Variants in TSPEAR observed in about 807,000 individuals in gnomAD.
The protein encoded by TSPEAR is thrombospondin-type laminin G domain and EAR repeat-containing protein.
TSPEAR carries 69 observed loss-of-function variants against 71.6 expected under a neutral mutation model. The ratio of observed to expected loss-of-function variants is 0.96; its 90% confidence interval spans 0.79 to 1.18. TSPEAR has a LOEUF of 1.18. Ranked by LOEUF, TSPEAR falls within the 50% of genes most tolerant of loss-of-function variation. TSPEAR has a pLI of 0.00. For missense variants in TSPEAR, 971 were observed against 894.9 expected (o/e 1.09, Z -1.09); for synonymous variants, 402 against 387.2 (o/e 1.04, Z -0.45).
chr21:44,549,526 T>A (rs2053363716), intron 2 of TSPEAR, among the ~76,000 whole-genome samples: 1 of 152,196 alleles, frequency 6.6e-6, no homozygotes, highest in East Asian at 1.9e-4. Context: ...AAAAAAAGAA[T>A]AATGTGTGCC....
intron 2 of TSPEAR, chr21:44,539,378 C>A (rs199512891): frequency 8.1e-6 from 13 of 1,612,722 alleles, no homozygotes; most frequent in Admixed American, 6.7e-5. Flanking sequence ...GCTGGCCTGG[C>A]AGGAGGAGGC....
At chr21:44,509,162 AT>A in intron 10 of TSPEAR, 36 bp downstream of exon 10, 1 of 1,593,028 alleles carries the variant, frequency 6.3e-7, no homozygotes, top group Non-Finnish European at 8.6e-7. Flanking sequence ...CCTCCCAGAG[AT>A]CAGCCCACCT....
intron 1 of TSPEAR, among the ~76,000 whole-genome samples, chr21:44,663,000 T>C (rs1555944007): frequency 6.6e-6 from 1 of 152,056 alleles, no homozygotes; most frequent in African/African-American, 2.4e-5. Context: ...ATTAAGTGCT[T>C]ATATTCACAA....
At chr21:44,516,639 TGTC>T (rs2052581312) in intron 9 of TSPEAR, 1 of 152,158 alleles carries the variant, frequency 6.6e-6, no homozygotes, top group African/African-American at 2.4e-5. Flanking sequence ...CTTACGGTAA[TGTC>T]AGCCCCCAGA....
At chr21:44,674,039 G>A (rs73234817) in intron 1 of TSPEAR, among the ~76,000 whole-genome samples, 5,935 of 151,706 alleles carry the variant, frequency 0.039, 127 homozygotes, top group Middle Eastern at 0.082. Context: ...AGTCCCAGCT[G>A]CTAGGGAGGT....
intron 1 of TSPEAR, among the ~76,000 whole-genome samples, chr21:44,657,770 G>A (rs1250212076): frequency 6.6e-6 from 1 of 152,162 alleles, no homozygotes; most frequent in Non-Finnish European, 1.5e-5. Flanking sequence ...CTAACCTCAA[G>A]GCCGAAGCTA....
chr21:44,514,764 A>C (rs1555913147), intron 9 of TSPEAR, among the ~76,000 whole-genome samples: 40 of 152,110 alleles, frequency 2.6e-4, no homozygotes, highest in Non-Finnish European at 2.9e-5. Flanking sequence ...TCCAACCTGG[A>C]AGAAAGTTGT....
Position 44,646,740 on chromosome 21 carries a change from C to G in TSPEAR, c.82+64693G>C, listed in dbSNP as rs782569455. 8 of 1,613,994 alleles carry G rather than the reference C, an allele frequency of 5.0e-6. No homozygotes were observed. In the African/African-American group the frequency reaches 8.0e-5, roughly 16 times the overall value. On this transcript the variant is annotated intron_variant, in intron 1 of 11. Transcript: ENST00000323084. ...AGCCGGCTTGCTGCACCTCCTCCCCCTGCCAGCAGGCCTGCTGTGTGCCTG... is the reference window on the plus strand; with the variant it reads ...AGCCGGCTTGCTGCACCTCCTCCCCGTGCCAGCAGGCCTGCTGTGTGCCTG...
intron 1 of TSPEAR, among the ~76,000 whole-genome samples, chr21:44,633,524 T>C (rs1983372615): frequency 6.6e-6 from 1 of 152,266 alleles, no homozygotes; most frequent in Non-Finnish European, 1.5e-5. Flanking sequence ...AATTGCCACA[T>C]ATTTGTGAAT....
intron 1 of TSPEAR, chr21:44,592,575 G>A: frequency 6.6e-7 from 1 of 1,523,520 alleles, no homozygotes; most frequent in Non-Finnish European, 8.8e-7. Flanking sequence ...GTTGTCCCCG[G>A]GCCCACAGCT....
At chr21:44,684,071 G>A (rs1986743498) in intron 1 of TSPEAR, among the ~76,000 whole-genome samples, 1 of 152,106 alleles carries the variant, frequency 6.6e-6, no homozygotes, top group African/African-American at 2.4e-5. Context: ...CAAAAATGAA[G>A]ACAAAATCTC....
At chr21:44,507,812 T>C (rs1184508838) in intron 10 of TSPEAR, among the ~76,000 whole-genome samples, 2 of 152,246 alleles carry the variant, frequency 1.3e-5, no homozygotes, top group Non-Finnish European at 2.9e-5. Context: ...GGATTCGTGC[T>C]GGGGACACAC....
At chr21:44,572,075 C>G (rs1156786318) in intron 1 of TSPEAR, among the ~76,000 whole-genome samples, 2 of 152,246 alleles carry the variant, frequency 1.3e-5, no homozygotes, top group African/African-American at 4.8e-5. Flanking sequence ...GCCGTGTCAC[C>G]TCCATGCCCC....
intron 1 of TSPEAR, among the ~76,000 whole-genome samples, chr21:44,674,731 AGTGTGTGT>A (rs59452363): frequency 0.15 from 18,911 of 126,896 alleles, 1,435 homozygotes; most frequent in African/African-American, 0.18. Flanking sequence ...CTGTCTTTAA[AGTGTGTGT>A]GTGTGTGTGT....
intron 8 of TSPEAR, among the ~76,000 whole-genome samples, chr21:44,524,730 GAGAC>G (rs1396109813): frequency 1.3e-5 from 2 of 151,302 alleles, no homozygotes; most frequent in African/African-American, 2.4e-5. Flanking sequence ...ATCAGTCAGT[GAGAC>G]AGTCAGTCAA....
chr21:44,525,742 T>TA lies in TSPEAR; in HGVS notation c.1246dup (p.Tyr416LeufsTer142), dbSNP rs1569164463. ...GGCGCTGTGTGTGGCAATGCTCTGA[T>TA]ATGGGGTAAACTTCAGCTTTCTGTG... On this transcript the variant is annotated frameshift_variant, in exon 8 of 12. Coordinates refer to ENST00000323084, the MANE Select transcript of TSPEAR (RefSeq NM_144991.3). LOFTEE classifies it high-confidence loss of function. 4.3e-6 allele frequency: 7 copies of TA among 1,614,116 alleles called. No homozygotes were observed. The highest frequency in any genetic ancestry group is 5.9e-6 in the Non-Finnish European group (7 of 1,180,010).
chr21:44,568,351 A>G (rs1351246632), intron 1 of TSPEAR, among the ~76,000 whole-genome samples: 2 of 152,144 alleles, frequency 1.3e-5, no homozygotes, highest in Non-Finnish European at 2.9e-5. Flanking sequence ...GCATGGCCCC[A>G]CCGCAGCCAC....
intron 1 of TSPEAR, among the ~76,000 whole-genome samples, chr21:44,599,182 C>T (rs4818724): frequency 0.14 from 20,597 of 147,618 alleles, 2,688 homozygotes; most frequent in African/African-American, 0.32. Context: ...CCTTCCATCC[C>T]ATAGGACCAG....
At chr21:44,589,353 G>A (rs1555926093) in intron 1 of TSPEAR, among the ~76,000 whole-genome samples, 2 of 152,280 alleles carry the variant, frequency 1.3e-5, no homozygotes, top group South Asian at 4.1e-4. Context: ...TTTGTCCTCT[G>A]ATGGACATTT....
Sources: gnomAD v4.1 joint callset for allele counts (sites outside exome capture counted in the v4.1 genomes callset) on GRCh38, gnomAD v4.1.1 for gene constraint, MANE v1.5 for transcripts, NCBI Gene and HGNC (gene_info 2026-07-23, HGNC 2026-07-21) for gene names.